WASF1: variants seen among roughly 807,000 people sequenced by gnomAD.
The protein encoded by WASF1 is WASP family member 1, also known as actin-binding protein WASF1.
In WASF1, 7 loss-of-function variants were observed where a neutral mutation model predicts 50.5. That is an observed-to-expected ratio of 0.14 (90% CI 0.08 to 0.26). The LOEUF (loss-of-function observed/expected upper bound fraction) is 0.26, where lower values mean the gene tolerates loss of function less well. WASF1 is among the 10% of genes least tolerant of loss of function. The pLI is 1.00. For missense variants in WASF1, 470 were observed against 694.7 expected (o/e 0.68, Z 3.64); for synonymous variants, 205 against 244.0 (o/e 0.84, Z 1.49).
chr6:110,124,580 G>C (rs1320628643), intron 4 of WASF1, among the ~76,000 whole-genome samples: 1 of 151,956 alleles, frequency 6.6e-6, no homozygotes, highest in Non-Finnish European at 1.5e-5. Flanking sequence ...ATACAAAACA[G>C]AATTATGTTC....
chr6:110,105,409 T>C lies in WASF1; in HGVS notation c.711A>G (p.Thr237=), dbSNP rs1396853680. 4 of 1,586,610 alleles carry C rather than the reference T, an allele frequency of 2.5e-6. No homozygotes were observed. Among genetic ancestry groups the C allele is most frequent in the Non-Finnish European group, 2.6e-6 (3 of 1,170,968 alleles). Residue 237 remains threonine, a splice_region_variant and synonymous_variant, in exon 8 of 11, where the codon ACA becomes ACG. Transcript: ENST00000392589. ...AAAAAAAACAAAAGTAAAGAAACCT[T>C]GTTTCAAAATGAGAGGCTGGGCCAT... The part of the protein sequence containing the change: ...VANGPASHFE[T]RPQTYVDHMD...
At chr6:110,103,790 TTATTA>T (rs1773198865) in intron 8 of WASF1, among the ~76,000 whole-genome samples, 1 of 152,232 alleles carries the variant, frequency 6.6e-6, no homozygotes, top group South Asian at 2.1e-4. Flanking sequence ...ATCGGTTATT[TTATTA>T]TTTTATAACA....
At chr6:110,169,852 G>C (rs537711634) in intron 2 of WASF1, among the ~76,000 whole-genome samples, 1 of 152,124 alleles carries the variant, frequency 6.6e-6, no homozygotes, top group Non-Finnish European at 1.5e-5. Flanking sequence ...ACAATGCCTA[G>C]CATATACAGG....
intron 2 of WASF1, among the ~76,000 whole-genome samples, chr6:110,163,373 G>A (rs1197313380): frequency 6.6e-6 from 1 of 151,552 alleles, no homozygotes; most frequent in East Asian, 1.9e-4. Context: ...AAACTAAGGT[G>A]CTAGCATGGT....
At chr6:110,115,120 AAC>A (rs1018722676) in intron 4 of WASF1, among the ~76,000 whole-genome samples, 2 of 151,846 alleles carry the variant, frequency 1.3e-5, no homozygotes, top group African/African-American at 4.8e-5. Flanking sequence ...AAAAAAAAAA[AAC>A]AAAACAGAAA....
At chr6:110,137,722 T>C (rs1034764152) in intron 3 of WASF1, among the ~76,000 whole-genome samples, 1 of 152,144 alleles carries the variant, frequency 6.6e-6, no homozygotes, top group African/African-American at 2.4e-5. Flanking sequence ...GCTATCACAC[T>C]GTCATAAGAT....
chr6:110,108,798 T>C, intron 5 of WASF1, 117 bp from the exon 6 acceptor site: 1 of 864,734 alleles, frequency 1.2e-6, no homozygotes, highest in Non-Finnish European at 1.7e-6. Context: ...GTTGTGACCT[T>C]AGTGGCTTAT....
Position 110,160,673 on chromosome 6 carries a change from T to G in WASF1, c.-67A>C, listed in dbSNP as rs575265292. 2.6e-5 allele frequency: 4 copies of G among 151,900 alleles called. No homozygotes were observed. The South Asian group carries it at 8.3e-4, about 31-fold the overall frequency. 9.4% of individuals were successfully genotyped at this position (151,900 alleles called of 1,614,324 possible). On this transcript the variant is annotated 5_prime_UTR_variant, in exon 3 of 11. Transcript: ENST00000392589. ...ACGATTTTGCAGCCATAGCTTCCACTGCAACTTTACTCCAACAGCTATCAT... is the reference window on the plus strand; with the variant it reads ...ACGATTTTGCAGCCATAGCTTCCACGGCAACTTTACTCCAACAGCTATCAT...
intron 2 of WASF1, among the ~76,000 whole-genome samples, chr6:110,171,789 A>G (rs187943644): frequency 5.3e-5 from 8 of 152,180 alleles, no homozygotes; most frequent in Non-Finnish European, 8.8e-5. Flanking sequence ...CCCTTCTGAC[A>G]AAGGGCTAAT....
chr6:110,147,571 G>C (rs1050917364), intron 3 of WASF1, among the ~76,000 whole-genome samples: 1 of 152,074 alleles, frequency 6.6e-6, no homozygotes, highest in African/African-American at 2.4e-5. Flanking sequence ...CTATAGAGTG[G>C]AAAGAAGACT....
Position 110,107,318 on chromosome 6 carries a change from A to G in WASF1, c.423-124T>C, listed in dbSNP as rs1773366004. 8.2e-6 allele frequency: 5 copies of G among 610,408 alleles called. No individual in the cohort carries two copies. In the South Asian group the frequency reaches 1.0e-4, roughly 12 times the overall value. The allele number at this position is 610,408 out of a possible 1,614,324, so 37.8% of individuals were successfully genotyped here. ...AATACAGCATGTTAAAATAGTGCCA[A>G]AATAAAACTGAATATTGCACCAATA... On this transcript the variant is annotated intron_variant, in intron 6 of 10. Coordinates refer to ENST00000392589, the MANE Select transcript of WASF1 (RefSeq NM_003931.3).
At chr6:110,179,360 T>C (rs902841888) in intron 1 of WASF1, 79 bp downstream of exon 1, 49 of 152,174 alleles carry the variant, frequency 3.2e-4, no homozygotes, top group African/African-American at 1.1e-3. Context: ...CCACTCGGTC[T>C]GCTCCGGCCA....
At chr6:110,141,522 C>T (rs1406715285) in intron 3 of WASF1, among the ~76,000 whole-genome samples, 3 of 152,064 alleles carry the variant, frequency 2.0e-5, no homozygotes, top group East Asian at 1.9e-4. Flanking sequence ...ATGCATCTAC[C>T]GAATTACTAC....
chr6:110,173,144 T>C (rs1285059287), intron 2 of WASF1, among the ~76,000 whole-genome samples: 1 of 152,090 alleles, frequency 6.6e-6, no homozygotes, highest in Non-Finnish European at 1.5e-5. Flanking sequence ...CATAACACAC[T>C]TGACTTTTTT....
At chr6:110,148,499 T>C (rs1775680020) in intron 3 of WASF1, among the ~76,000 whole-genome samples, 1 of 152,126 alleles carries the variant, frequency 6.6e-6, no homozygotes. Context: ...AACTGAAGCT[T>C]GTGCGTGTGT....
chr6:110,144,768 T>C (rs1562180542), intron 3 of WASF1, among the ~76,000 whole-genome samples: 1 of 152,224 alleles, frequency 6.6e-6, no homozygotes. Context: ...CAGATAGTTG[T>C]AGATATGCGG....
Position 110,178,742 on chromosome 6 carries a change from G to C in WASF1, c.-271C>G, listed in dbSNP as rs1777047280. ...TCAGAGTACCGAAGCTAGGGGGCATGCTGTAGCAAGGGGAAAAGAAAAATG... is the reference window on the plus strand; with the variant it reads ...TCAGAGTACCGAAGCTAGGGGGCATCCTGTAGCAAGGGGAAAAGAAAAATG... On this transcript the variant is annotated splice_region_variant and 5_prime_UTR_variant, in exon 2 of 11. Coordinates refer to ENST00000392589, the MANE Select transcript of WASF1 (RefSeq NM_003931.3). 6.5e-6 allele frequency: 1 copy of C among 152,844 alleles called. No individual in the cohort carries two copies. Among genetic ancestry groups the C allele is most frequent in the Non-Finnish European group, 1.5e-5 (1 of 68,170 alleles). The allele number at this position is 152,844 out of a possible 1,614,324, so 9.5% of individuals were successfully genotyped here.
At chr6:110,116,053 G>C (rs545430616) in intron 4 of WASF1, among the ~76,000 whole-genome samples, 1 of 152,272 alleles carries the variant, frequency 6.6e-6, no homozygotes, top group African/African-American at 2.4e-5. Context: ...ACATAGAAGA[G>C]GGGGTCACTT....
chr6:110,121,587 G>A (rs1774127831), intron 4 of WASF1, among the ~76,000 whole-genome samples: 1 of 152,230 alleles, frequency 6.6e-6, no homozygotes, highest in African/African-American at 2.4e-5. Flanking sequence ...CTATTGGTGA[G>A]AGTGTAAGTC....
Sources: allele counts gnomAD v4.1 joint callset (sites outside exome capture counted in the v4.1 genomes callset), GRCh38; gene constraint gnomAD v4.1.1; transcripts MANE v1.5; gene names NCBI Gene and HGNC (gene_info 2026-07-23, HGNC 2026-07-21).